E2F6: variants seen among roughly 807,000 people sequenced by gnomAD.
E2F6 encodes the protein E2F transcription factor 6, also known as transcription factor E2F6.
A neutral mutation model predicts 31.5 loss-of-function variants in E2F6; 19 were observed. The observed-to-expected ratio is 0.60, with a 90% confidence interval of 0.42 to 0.89. E2F6 has a LOEUF of 0.89. Among genes scored for constraint, E2F6 ranks in the 40% least tolerant of loss-of-function variants. The pLI, the probability that E2F6 is intolerant of heterozygous loss-of-function variation, is 0.00. For synonymous variants in E2F6, 121 were observed against 127.7 expected (o/e 0.95, Z 0.36); for missense variants, 269 against 341.6 (o/e 0.79, Z 1.67).
intron 1 of E2F6, chr2:11,458,363 G>T (rs749933187): frequency 1.9e-6 from 3 of 1,551,576 alleles, no homozygotes; most frequent in Non-Finnish European, 2.6e-6. Context: ...TGTGGGGAGA[G>T]AAGAAAAAAG....
In E2F6 at chr2:11,445,824, G is replaced by A. The variant is rs1225317837; in HGVS notation, c.*653C>T. The stretch of plus-strand genomic sequence containing the variant: ...TAATTAAATCCACAAACATAAATGT[G>A]TAGCACATTTATGATACTTCTACAT... On this transcript the variant is annotated 3_prime_UTR_variant, in exon 7 of 7. Transcript: ENST00000381525. The A allele has an allele frequency of 6.6e-6, 1 of 150,962 alleles. No individual in the cohort carries two copies. Among genetic ancestry groups the A allele is most frequent in the African/African-American group, 2.4e-5 (1 of 40,922 alleles). 9.4% of individuals were successfully genotyped at this position (150,962 alleles called of 1,614,324 possible).
At chr2:11,457,946 C>A (rs1332796752) in intron 1 of E2F6, among the ~76,000 whole-genome samples, 1 of 152,206 alleles carries the variant, frequency 6.6e-6, no homozygotes, top group African/African-American at 2.4e-5. Flanking sequence ...ATTCCTGAAA[C>A]AACCAGGAAA....
At chr2:11,447,178 G>A (rs1371976700) in intron 6 of E2F6, among the ~76,000 whole-genome samples, 1 of 152,318 alleles carries the variant, frequency 6.6e-6, no homozygotes, top group African/African-American at 2.4e-5. Context: ...CAGAGGCGAC[G>A]TCCTTAGAAA....
In E2F6 at chr2:11,457,229, G is replaced by A; in HGVS notation, c.113C>T (p.Ser38Leu). Reference protein sequence around the residue: ...DPINVEGLLPSKIRINLEDNV... With the variant: ...DPINVEGLLPLKIRINLEDNV... ...ATCTTCTAAATTAATCCTTATTTTTGATGGCTGAAAAAAAAGATAAAAAAT... is the reference window on the plus strand; with the variant it reads ...ATCTTCTAAATTAATCCTTATTTTTAATGGCTGAAAAAAAAGATAAAAAAT... The change falls in exon 2 of 7, where the codon TCA becomes TTA. Residue 38 changes from serine (S) to leucine (L), a missense_variant. By Grantham distance (145) the Ser-to-Leu change is moderately radical. Transcript: ENST00000381525. 1 of 1,536,258 alleles carries A rather than the reference G, an allele frequency of 6.5e-7. No homozygotes were observed. The highest frequency in any genetic ancestry group is 9.0e-7 in the Non-Finnish European group (1 of 1,113,978).
Position 11,465,936 on chromosome 2 carries a change from G to A in E2F6, c.-57C>T, listed in dbSNP as rs1672183173. Reference sequence around the variant, plus strand: ...ACCCCACGAGCTCTCCCGCCCTCTCGCGCTCAGCTCGAGCACCGCCCCCCA... The same window carrying A: ...ACCCCACGAGCTCTCCCGCCCTCTCACGCTCAGCTCGAGCACCGCCCCCCA... On this transcript the variant is annotated 5_prime_UTR_variant, in exon 1 of 7. Coordinates refer to ENST00000381525, the MANE Select transcript of E2F6 (RefSeq NM_198256.4). 2.8e-6 allele frequency: 4 copies of A among 1,428,228 alleles called. No homozygotes were observed. The highest frequency in any genetic ancestry group is 2.8e-6 in the Non-Finnish European group (3 of 1,070,708). The allele number at this position is 1,428,228 out of a possible 1,614,324, so 88.5% of individuals were successfully genotyped here. A position where few individuals can be genotyped will look rare whatever the true frequency, so the allele number is the denominator to read the frequency against.
At chr2:11,459,077 G>C (rs888336327) in intron 1 of E2F6, among the ~76,000 whole-genome samples, 1 of 152,032 alleles carries the variant, frequency 6.6e-6, no homozygotes, top group Non-Finnish European at 1.5e-5. Context: ...GGCCAGCTAC[G>C]GTAGCAAGAT....
intron 5 of E2F6, 125 bp downstream of exon 5, chr2:11,449,887 G>A (rs1183050442): frequency 7.4e-5 from 44 of 596,938 alleles, no homozygotes; most frequent in Non-Finnish European, 1.1e-4. Context: ...GAAGTGCCTT[G>A]AGCAGTATCG....
At chr2:11,465,440 G>A (rs7559230) in intron 1 of E2F6, among the ~76,000 whole-genome samples, 2,521 of 152,260 alleles carry the variant, frequency 0.017, 93 homozygotes, top group African/African-American at 0.058. Flanking sequence ...AAGGATGGGA[G>A]AGGAGGCAGA....
At chr2:11,461,644 T>C (rs909241375) in intron 1 of E2F6, among the ~76,000 whole-genome samples, 5 of 152,240 alleles carry the variant, frequency 3.3e-5, no homozygotes, top group Non-Finnish European at 5.9e-5. Flanking sequence ...TGAGCCACCA[T>C]GACTGGCCAA....
intron 1 of E2F6, among the ~76,000 whole-genome samples, chr2:11,464,218 T>C (rs939991904): frequency 2.6e-5 from 4 of 151,790 alleles, no homozygotes; most frequent in African/African-American, 4.8e-5. Flanking sequence ...GGCCATCAAG[T>C]GGAAACAGTG....
chr2:11,459,249 T>C (rs1671609280), intron 1 of E2F6, among the ~76,000 whole-genome samples: 1 of 152,168 alleles, frequency 6.6e-6, no homozygotes, highest in East Asian at 1.9e-4. Context: ...CTCTACTTAC[T>C]GGCTCCCAAA....
chr2:11,457,465 A>T (rs1671479600), intron 1 of E2F6, among the ~76,000 whole-genome samples: 1 of 152,164 alleles, frequency 6.6e-6, no homozygotes, highest in East Asian at 1.9e-4. Flanking sequence ...TCGACTAAAA[A>T]TACAAAAATT....
At chr2:11,460,663 C>T (rs370360087) in intron 1 of E2F6, among the ~76,000 whole-genome samples, 95 of 152,288 alleles carry the variant, frequency 6.2e-4, no homozygotes, top group African/African-American at 2.1e-3. Context: ...GATTTTGTTG[C>T]GTGAACATCA....
intron 6 of E2F6, 34 bp from the exon 7 acceptor site, chr2:11,446,557 G>A (rs778127463): frequency 6.4e-5 from 102 of 1,584,856 alleles, no homozygotes; most frequent in Admixed American, 1.7e-4. Flanking sequence ...ATACACCTAA[G>A]TGAATACACC....
intron 4 of E2F6, 119 bp downstream of exon 4, chr2:11,451,532 C>T (rs938887340): frequency 6.9e-5 from 75 of 1,086,226 alleles, no homozygotes; most frequent in Non-Finnish European, 8.9e-5. Context: ...TTGTATTTAA[C>T]TTTCAATGGT....
chr2:11,459,923 G>C (rs1350271581), intron 1 of E2F6, among the ~76,000 whole-genome samples: 1 of 152,142 alleles, frequency 6.6e-6, no homozygotes, highest in Non-Finnish European at 1.5e-5. Flanking sequence ...TTGTTTGCAT[G>C]CTAGCTGCAA....
At position 11,458,158 on chromosome 2, in the gene E2F6, C is replaced by T. The variant is rs77184329; in HGVS notation, c.109-925G>A. ...AATGTGCCTCCAGACAGGCTGTCAT[C>T]AGGTTTAGCTCTTATCTAAGAAAAA... On this transcript the variant is annotated intron_variant, in intron 1 of 6. Coordinates refer to ENST00000381525, the MANE Select transcript of E2F6 (RefSeq NM_198256.4). 15,700 of 922,136 alleles carry T rather than the reference C, an allele frequency of 0.017. 1,040 individuals are homozygous for T. The African/African-American group carries it at 0.18, about 10-fold the overall frequency. 57.1% of individuals were successfully genotyped at this position (922,136 alleles called of 1,614,324 possible). A position where few individuals can be genotyped will look rare whatever the true frequency, so the allele number is the denominator to read the frequency against.
intron 2 of E2F6, among the ~76,000 whole-genome samples, chr2:11,455,714 A>T (rs1226010309): frequency 6.6e-6 from 1 of 152,328 alleles, no homozygotes; most frequent in East Asian, 1.9e-4. Context: ...ACAGTTGCTG[A>T]GGGGATATGA....
At chr2:11,449,929 T>C in intron 5 of E2F6, 83 bp downstream of exon 5, 1 of 1,088,148 alleles carries the variant, frequency 9.2e-7, no homozygotes, top group East Asian at 2.4e-5. Flanking sequence ...CAACGGCTCT[T>C]AAGTATGACT....
Sources: gnomAD v4.1 joint callset for allele counts (sites outside exome capture counted in the v4.1 genomes callset) on GRCh38, gnomAD v4.1.1 for gene constraint, MANE v1.5 for transcripts, NCBI Gene and HGNC (gene_info 2026-07-23, HGNC 2026-07-21) for gene names.